API5: variants seen among roughly 807,000 people sequenced by gnomAD.
API5 encodes the protein apoptosis inhibitor 5, also known as FIF.
Under a neutral mutation model 71.9 loss-of-function variants are expected in API5, and 6 were observed. That is an observed-to-expected ratio of 0.08 (90% CI 0.05 to 0.16). The LOEUF (loss-of-function observed/expected upper bound fraction) is 0.16. Ranked by LOEUF, API5 falls within the 10% of genes least tolerant of loss-of-function variation. The pLI is 1.00. For missense variants in API5, 332 were observed against 612.8 expected (o/e 0.54, Z 4.84); for synonymous variants, 189 against 221.3 (o/e 0.85, Z 1.30).
Position 43,330,098 on chromosome 11 carries a change from A to T in API5, c.1221+40A>T, listed in dbSNP as rs752262033. The T allele has an allele frequency of 3.4e-6, 5 of 1,487,226 alleles. No homozygotes were observed. The South Asian group carries it at 4.5e-5, about 14-fold the overall frequency. 92.1% of individuals were successfully genotyped at this position (1,487,226 alleles called of 1,614,324 possible). ...TCACATTTCATAAACTGCTAGTTCC[A>T]TACCAAACTATATAGACTTGTGTTG... On this transcript the variant is annotated intron_variant, in intron 10 of 13. Coordinates refer to ENST00000531273, the MANE Select transcript of API5 (RefSeq NM_001142930.2).
rs751273178 is a variant in API5, at chr11:43,323,415, T to C, written c.544-15T>C. On this transcript the variant is annotated splice_polypyrimidine_tract_variant and intron_variant, in intron 5 of 13. Transcript: ENST00000531273. ...ATGATGAACATACTCTTATTCTGAA[T>C]TGTCTCTTTTCCAGGTCCTAGAAGA... 2 of 1,598,194 alleles carry C rather than the reference T, an allele frequency of 1.3e-6. No individual in the cohort carries two copies. The highest frequency in any genetic ancestry group is 1.3e-5 in the African/African-American group (1 of 74,664).
chr11:43,338,989 A>G (rs941726156), intron 13 of API5, among the ~76,000 whole-genome samples: 1 of 152,180 alleles, frequency 6.6e-6, no homozygotes, highest in African/African-American at 2.4e-5. Context: ...TAGTTACTGC[A>G]TCTGTCTCTG....
rs1213163137 is a variant in API5 at position 43,343,700 on chromosome 11, G to C, written c.*1190G>C. On this transcript the variant is annotated 3_prime_UTR_variant, in exon 14 of 14. Coordinates refer to ENST00000531273, the MANE Select transcript of API5 (RefSeq NM_001142930.2). The stretch of plus-strand genomic sequence containing the variant: ...ATAGAATTTTTAGGTTAAAACAACA[G>C]ATGGGGGGTTTGTGGAGTGTTTAAT... The C allele has an allele frequency of 6.6e-6, 1 of 152,656 alleles. No individual in the cohort carries two copies. Among genetic ancestry groups the C allele is most frequent in the Non-Finnish European group, 1.5e-5 (1 of 68,036 alleles). The allele number at this position is 152,656 out of a possible 1,614,324, so 9.5% of individuals were successfully genotyped here.
At chr11:43,318,520 G>T (rs1854754676) in intron 1 of API5, 120 bp from the exon 2 acceptor site, 1 of 1,554,728 alleles carries the variant, frequency 6.4e-7, no homozygotes, top group South Asian at 1.2e-5. Context: ...CCCAAAATCA[G>T]CTTTATTTCT....
At chr11:43,320,683 G>T in intron 2 of API5, 138 bp from the exon 3 acceptor site, 2 of 696,090 alleles carry the variant, frequency 2.9e-6, no homozygotes, top group Non-Finnish European at 4.8e-6. Flanking sequence ...TTGAGCCATG[G>T]TTGCACCACT....
intron 2 of API5, 159 bp downstream of exon 2, chr11:43,318,960 G>A: frequency 1.6e-6 from 1 of 634,700 alleles, no homozygotes; most frequent in Admixed American, 3.4e-5. Context: ...ATATGATAAA[G>A]TGTATTAGCC....
At position 43,318,020 on chromosome 11, in the gene API5, G is replaced by GT. The variant is rs1030635044; in HGVS notation, c.70-614dup. Among the ~76,000 whole-genome samples, 5 of 149,690 alleles carry GT rather than the reference G, an allele frequency of 3.3e-5. No individual in the cohort carries two copies. In the South Asian group the frequency reaches 8.5e-4, roughly 25 times the overall value. ...TTGTTTGTTTGTTTTGTTTTGTTTT[G>GT]TTTTTTGGAGACAGAGTCTCACTCT... is the stretch of plus-strand genomic sequence containing the variant. On this transcript the variant is annotated intron_variant, in intron 1 of 13. Transcript: ENST00000531273.
At chr11:43,325,761 C>T (rs1197349852) in intron 6 of API5, among the ~76,000 whole-genome samples, 2 of 152,138 alleles carry the variant, frequency 1.3e-5, no homozygotes, top group African/African-American at 2.4e-5. Context: ...ACAGTCAAAG[C>T]AATGGCTGCC....
At chr11:43,338,717 A>G (rs1464212738) in intron 13 of API5, among the ~76,000 whole-genome samples, 1 of 151,836 alleles carries the variant, frequency 6.6e-6, no homozygotes, top group Non-Finnish European at 1.5e-5. Context: ...GTACCTTCAT[A>G]CAGTGTATTT....
intron 11 of API5, among the ~76,000 whole-genome samples, chr11:43,333,637 T>G (rs1855332206): frequency 6.6e-6 from 1 of 152,174 alleles, no homozygotes; most frequent in South Asian, 2.1e-4. Flanking sequence ...TACTATTGAT[T>G]AACAGATAGA....
At position 43,312,048 on chromosome 11, in the gene API5, G is replaced by GGT. The variant is rs1012067672; in HGVS notation, c.-79_-78dup. On this transcript the variant is annotated 5_prime_UTR_variant, in exon 1 of 14. Transcript: ENST00000531273. Reference sequence around the variant, plus strand: ...TGGAGGTGTAATAGTGCGGGTAGTGGGTTTGGAGAAGTTCCGAGGCGGCGG... The same window carrying GGT: ...TGGAGGTGTAATAGTGCGGGTAGTGGGTGTTTGGAGAAGTTCCGAGGCGGCGG... 2 of 1,507,164 alleles carry GGT rather than the reference G, an allele frequency of 1.3e-6. No homozygotes were observed. Among genetic ancestry groups the GGT allele is most frequent in the African/African-American group, 2.7e-5 (2 of 72,804 alleles). The allele number at this position is 1,507,164 out of a possible 1,614,324, so 93.4% of individuals were successfully genotyped here.
chr11:43,313,260 A>G (rs1854552252), intron 1 of API5, among the ~76,000 whole-genome samples: 1 of 152,128 alleles, frequency 6.6e-6, no homozygotes, highest in Non-Finnish European at 1.5e-5. Context: ...TGCCCCCGAT[A>G]CACAGTTTCT....
At position 43,330,139 on chromosome 11, in the gene API5, C is replaced by G. The variant is rs988932188; in HGVS notation, c.1221+81C>G. The G allele has an allele frequency of 1.3e-5, 15 of 1,132,796 alleles. No individual in the cohort carries two copies. In the East Asian group the frequency reaches 3.6e-4, roughly 27 times the overall value. 70.2% of individuals were successfully genotyped at this position (1,132,796 alleles called of 1,614,324 possible). On this transcript the variant is annotated intron_variant, in intron 10 of 13. Transcript: ENST00000531273. Reference sequence around the variant, plus strand: ...ACTTGTGTTGGGAGTTTTTCATTTTCCCTTATCTCACCTAATTTAACAGTC... The same window carrying G: ...ACTTGTGTTGGGAGTTTTTCATTTTGCCTTATCTCACCTAATTTAACAGTC...
chr11:43,322,879 C>T (rs979902656), intron 5 of API5, among the ~76,000 whole-genome samples: 3 of 152,122 alleles, frequency 2.0e-5, no homozygotes, highest in Non-Finnish European at 2.9e-5. Context: ...TAGAGTATGT[C>T]GTGATTGTGA....
rs149147692 is a variant in API5 at position 43,325,960 on chromosome 11, A to T, written c.751-547A>T. On this transcript the variant is annotated intron_variant, in intron 6 of 13. Transcript: ENST00000531273. ...TGAGCAGGAAAACGCCTAGGAAAGC[A>T]TCACCAGAGTTCTCCACCGCCACAG... 3.0e-4 allele frequency among the ~76,000 whole-genome samples: 45 copies of T among 152,312 alleles called. 1 individual carries two copies. The East Asian group carries it at 8.7e-3, about 29-fold the overall frequency.
Position 43,343,928 on chromosome 11 carries a change from G to A in API5, c.*1418G>A, listed in dbSNP as rs1425224304. Reference sequence around the variant, plus strand: ...TCTTCATTACCATTACCTCTACACTGCAGAAGAAGCAAAACTCCTTTATTA... The same window carrying A: ...TCTTCATTACCATTACCTCTACACTACAGAAGAAGCAAAACTCCTTTATTA... On this transcript the variant is annotated 3_prime_UTR_variant, in exon 14 of 14. Coordinates refer to ENST00000531273, the MANE Select transcript of API5 (RefSeq NM_001142930.2). 2.0e-5 allele frequency: 3 copies of A among 152,586 alleles called. No individual in the cohort carries two copies. The highest frequency in any genetic ancestry group is 4.4e-5 in the Non-Finnish European group (3 of 68,040). The allele number at this position is 152,586 out of a possible 1,614,324, so 9.5% of individuals were successfully genotyped here.
Position 43,335,901 on chromosome 11 carries a change from A to C in API5, c.1399A>C (p.Lys467Gln). ...SEDTTSGSPP[K>Q]KSSAGPKRDA... ...AGATACAACTTCAGGTTCACCACCC[A>C]AGAAATCTTCAGCAGGACCAAAAAG... Residue 467 changes from lysine (K) to glutamine (Q), a missense_variant, in exon 13 of 14, where the codon AAG (lysine) becomes CAG (glutamine). This residue lies in a region of API5 where 168 missense variants were observed against 343.9 expected (regional missense o/e 0.49). Coordinates refer to ENST00000531273, the MANE Select transcript of API5 (RefSeq NM_001142930.2). 1 of 1,613,644 alleles carries C rather than the reference A, an allele frequency of 6.2e-7. No individual in the cohort carries two copies.
chr11:43,314,554 C>T (rs1565098831), intron 1 of API5, among the ~76,000 whole-genome samples: 1 of 152,140 alleles, frequency 6.6e-6, no homozygotes, highest in Non-Finnish European at 1.5e-5. Context: ...ATGAGGACTC[C>T]ATGCTTTATT....
intron 1 of API5, among the ~76,000 whole-genome samples, chr11:43,317,286 T>G (rs1216518504): frequency 6.6e-6 from 1 of 152,324 alleles, no homozygotes; most frequent in African/African-American, 2.4e-5. Context: ...ATCAGTGTCA[T>G]TTCATAAAAG....
Sources: allele counts gnomAD v4.1 joint callset (sites outside exome capture counted in the v4.1 genomes callset), GRCh38; gene constraint gnomAD v4.1.1; regional missense constraint gnomAD v4.1.1; transcripts MANE v1.5; gene names NCBI Gene and HGNC (gene_info 2026-07-23, HGNC 2026-07-21).